The following ADAM20 variants were observed in gnomAD, a reference collection of about 807,000 sequenced individuals.
The protein encoded by ADAM20 is disintegrin and metalloproteinase domain-containing protein 20.
For synonymous variants in ADAM20, 305 were observed against 310.2 expected, an observed-to-expected ratio of 0.98 and a Z score of 0.18; for missense variants, 871 against 883.2, an observed-to-expected ratio of 0.99 and a Z score of 0.18.
the ADAM20 span, among the ~76,000 whole-genome samples, chr14:70,566,280 A>AT: frequency 6.6e-6 from 1 of 152,228 alleles, no homozygotes; most frequent in African/African-American, 2.4e-5. Context: ...TAAGATGTAA[A>AT]TTGTGACATC....
the ADAM20 span, among the ~76,000 whole-genome samples, chr14:70,559,046 T>G: frequency 1.3e-5 from 2 of 152,218 alleles, no homozygotes; most frequent in Non-Finnish European, 2.9e-5. Context: ...ACCATATATA[T>G]TCTATGATGC....
At chr14:70,547,428 C>T in the ADAM20 span, 6 of 143,602 alleles carry the variant, frequency 4.2e-5, no homozygotes, top group East Asian at 2.1e-4. Context: ...AGACAGTGGG[C>T]GCAGGCCAGT....
the ADAM20 span, chr14:70,556,855 AAAAG>A: frequency 2.0e-5 from 3 of 152,206 alleles, no homozygotes; most frequent in Non-Finnish European, 2.9e-5. Flanking sequence ...TCAAAAAACA[AAAAG>A]AAAGTGCGAG....
the ADAM20 span, among the ~76,000 whole-genome samples, chr14:70,572,168 C>T: frequency 1.2e-4 from 18 of 152,174 alleles, no homozygotes; most frequent in East Asian, 3.5e-3. Context: ...GCCTGATTAA[C>T]CAAAGAAATC....
intron 1 of ADAM20, among the ~76,000 whole-genome samples, chr14:70,531,686 T>C (rs1001877626): frequency 1.3e-5 from 2 of 151,962 alleles, no homozygotes; most frequent in Non-Finnish European, 2.9e-5. Flanking sequence ...ACTACAAAAG[T>C]CACGTGCATA....
intron 1 of ADAM20, among the ~76,000 whole-genome samples, chr14:70,531,544 T>A (rs914864272): frequency 2.0e-5 from 3 of 152,094 alleles, no homozygotes; most frequent in African/African-American, 4.8e-5. Flanking sequence ...AAAATGTCCA[T>A]ATCAGAAAGG....
the ADAM20 span, among the ~76,000 whole-genome samples, chr14:70,561,884 G>A: frequency 6.6e-6 from 1 of 152,268 alleles, no homozygotes; most frequent in African/African-American, 2.4e-5. Flanking sequence ...GCAGAAGTCT[G>A]CAGCAGGGGC....
chr14:70,522,759 C>A lies in ADAM20; in HGVS notation c.1999G>T (p.Gly667Cys), dbSNP rs1457134533. Residue 667 changes from glycine (G) to cysteine (C), a missense_variant, in exon 2 of 2, where the codon GGC (glycine) becomes TGC (cysteine). Gly to Cys is a radical substitution (Grantham distance 159, BLOSUM62 -3). Coordinates refer to ENST00000256389, the MANE Select transcript of ADAM20 (RefSeq NM_003814.5). ...EWAPPYCKDK[G>C]YGGSADSGPP... ...CCACTATCAGCACTACCTCCATAGC[C>A]TTTGTCCTTGCAGTATGGGGGTGCC... 3 of 1,614,022 alleles carry A rather than the reference C, an allele frequency of 1.9e-6. No homozygotes were observed. Among genetic ancestry groups the A allele is most frequent in the Admixed American group, 3.3e-5 (2 of 60,004 alleles).
the ADAM20 span, among the ~76,000 whole-genome samples, chr14:70,545,441 G>A: frequency 2.0e-5 from 3 of 152,182 alleles, no homozygotes; most frequent in Non-Finnish European, 2.9e-5. Flanking sequence ...CCTGCCCAAA[G>A]AGGGAGCATC....
At chr14:70,578,024 T>A in the ADAM20 span, among the ~76,000 whole-genome samples, 1 of 152,116 alleles carries the variant, frequency 6.6e-6, no homozygotes, top group Non-Finnish European at 1.5e-5. Context: ...AATAATAAAT[T>A]GGACGTTAGA....
chr14:70,561,314 G>A, the ADAM20 span, among the ~76,000 whole-genome samples: 1 of 152,230 alleles, frequency 6.6e-6, no homozygotes, highest in Non-Finnish European at 1.5e-5. Flanking sequence ...TTCAAGATTT[G>A]ACCTGGCTGT....
chr14:70,567,793 T>G, the ADAM20 span, among the ~76,000 whole-genome samples: 3 of 152,228 alleles, frequency 2.0e-5, no homozygotes, highest in Non-Finnish European at 4.4e-5. Flanking sequence ...ACAGCTGCTC[T>G]GCAACCAGGA....
Position 70,523,063 on chromosome 14 carries a change from C to T in ADAM20, c.1695G>A (p.Gln565=). 2 of 1,613,988 alleles carry T rather than the reference C, an allele frequency of 1.2e-6. No individual in the cohort carries two copies. Among genetic ancestry groups the T allele is most frequent in the Non-Finnish European group, 8.5e-7 (1 of 1,179,940 alleles). ...WTPDIMCGRV[Q]CENVGVIPNL... ...TGGGAATTACTCCCACATTTTCACA[C>T]TGAACCCTCCCACACATGATATCAG... The change falls in exon 2 of 2, where the codon CAG becomes CAA. Residue 565 remains glutamine (Q), a synonymous_variant. Transcript: ENST00000256389.
chr14:70,532,982 CAA>C (rs748334912), intron 1 of ADAM20, among the ~76,000 whole-genome samples: 8 of 152,024 alleles, frequency 5.3e-5, no homozygotes, highest in Non-Finnish European at 1.0e-4. Flanking sequence ...ATCAAAACCA[CAA>C]AGAGATCTCA....
chr14:70,526,772 G>T (rs73282131), intron 1 of ADAM20, among the ~76,000 whole-genome samples: 1,715 of 152,186 alleles, frequency 0.011, 27 homozygotes, highest in African/African-American at 0.033. Flanking sequence ...TTCAACCACT[G>T]TGAGAATCTT....
upstream of ADAM20, among the ~76,000 whole-genome samples, chr14:70,539,920 CT>C (rs1364794492): frequency 3.3e-5 from 5 of 152,198 alleles, no homozygotes; most frequent in African/African-American, 1.2e-4. Context: ...GGTGACCCCC[CT>C]GGACCCAGCT....
chr14:70,524,942 G>C lies in ADAM20; in HGVS notation c.-176-9C>G, dbSNP rs1883556666. 6.4e-7 allele frequency: 1 copy of C among 1,554,376 alleles called. No individual in the cohort carries two copies. Among genetic ancestry groups the C allele is most frequent in the Non-Finnish European group, 8.7e-7 (1 of 1,151,554 alleles). On this transcript the variant is annotated splice_polypyrimidine_tract_variant and intron_variant, in intron 1 of 1. Coordinates refer to ENST00000256389, the MANE Select transcript of ADAM20 (RefSeq NM_003814.5). ...AGTGCTGAAAATAAAAACTGAAAGA[G>C]CCAGGATGGGGTGGGTGGGATAGAA...
intron 1 of ADAM20, among the ~76,000 whole-genome samples, chr14:70,526,310 T>C (rs1470069319): frequency 6.6e-6 from 1 of 152,202 alleles, no homozygotes; most frequent in Non-Finnish European, 1.5e-5. Context: ...CTTAGCATTA[T>C]GATGTCAAGA....
At chr14:70,569,311 C>T in the ADAM20 span, among the ~76,000 whole-genome samples, 2 of 152,110 alleles carry the variant, frequency 1.3e-5, 1 homozygote, top group South Asian at 4.1e-4. Context: ...ATACTGCTAC[C>T]ATAAAACAAC....
Sources: gnomAD v4.1 joint callset for allele counts (sites outside exome capture counted in the v4.1 genomes callset) on GRCh38, gnomAD v4.1.1 for gene constraint, MANE v1.5 for transcripts, NCBI Gene and HGNC (gene_info 2026-07-23, HGNC 2026-07-21) for gene names.